The following GAREM1 variants were observed in gnomAD, a reference collection of about 807,000 sequenced individuals.
GAREM1 encodes GRB2 associated regulator of MAPK1 subtype 1, also known as GRB2-associated and regulator of MAPK protein 1.
A neutral mutation model predicts 71.3 loss-of-function variants in GAREM1; 26 were observed. The observed-to-expected ratio is 0.36, with a 90% confidence interval of 0.27 to 0.51. The LOEUF is 0.51. Ranked by LOEUF, GAREM1 falls within the 20% of genes least tolerant of loss-of-function variation. The pLI is 0.95. For synonymous variants in GAREM1, 440 were observed against 433.2 expected (o/e 1.02, Z -0.20); for missense variants, 1,026 against 1,103.1 (o/e 0.93, Z 0.99).
intron 2 of GAREM1, among the ~76,000 whole-genome samples, chr18:32,317,968 C>T (rs1445035545): frequency 1.3e-5 from 2 of 152,104 alleles, no homozygotes; most frequent in Non-Finnish European, 2.9e-5. Context: ...TTTGTGCCAC[C>T]AAATAAAAAC....
chr18:32,434,240 C>T (rs1423068035), intron 1 of GAREM1, among the ~76,000 whole-genome samples: 1 of 152,162 alleles, frequency 6.6e-6, no homozygotes, highest in Non-Finnish European at 1.5e-5. Flanking sequence ...CAGAGTTATA[C>T]ACTATGAACT....
intron 1 of GAREM1, among the ~76,000 whole-genome samples, chr18:32,463,123 G>A (rs1199032031): frequency 1.3e-5 from 2 of 151,968 alleles, no homozygotes; most frequent in African/African-American, 2.4e-5. Context: ...TGATGGATAT[G>A]CTAATTAGCC....
intron 2 of GAREM1, among the ~76,000 whole-genome samples, chr18:32,340,468 G>A (rs566750074): frequency 2.6e-4 from 39 of 152,084 alleles, no homozygotes; most frequent in Admixed American, 2.2e-3. Context: ...GGCATGACTC[G>A]GGTCCAGAAA....
At chr18:32,312,272 C>T (rs1214385263) in intron 2 of GAREM1, among the ~76,000 whole-genome samples, 1 of 152,080 alleles carries the variant, frequency 6.6e-6, no homozygotes, top group East Asian at 1.9e-4. Flanking sequence ...TGAGTGTGAA[C>T]AGAGAAGAGG....
intron 2 of GAREM1, among the ~76,000 whole-genome samples, chr18:32,357,026 C>T (rs1598985811): frequency 1.3e-5 from 2 of 152,310 alleles, no homozygotes; most frequent in Middle Eastern, 6.8e-3. Flanking sequence ...TACTCTGCCC[C>T]TTCCTTTCTG....
intron 2 of GAREM1, among the ~76,000 whole-genome samples, chr18:32,361,614 C>A (rs2047867026): frequency 6.6e-6 from 1 of 152,098 alleles, no homozygotes; most frequent in Non-Finnish European, 1.5e-5. Context: ...CCTCCCTCTG[C>A]AAAACTAACA....
In GAREM1 at chr18:32,288,253, C is replaced by T. The variant is rs776767680; in HGVS notation, c.394-50G>A. ...ACGTTCATTTCCTTTGATCTATTCACGCAAAGAACTTCCTATTAAGACACA... is the reference window on the plus strand; with the variant it reads ...ACGTTCATTTCCTTTGATCTATTCATGCAAAGAACTTCCTATTAAGACACA... On this transcript the variant is annotated intron_variant, in intron 3 of 5. Coordinates refer to ENST00000269209, the MANE Select transcript of GAREM1 (RefSeq NM_001242409.2). The T allele has an allele frequency of 6.3e-5, 90 of 1,433,742 alleles. No individual in the cohort carries two copies. In the Admixed American group the frequency reaches 6.7e-4, roughly 11 times the overall value. The allele number at this position is 1,433,742 out of a possible 1,614,324, so 88.8% of individuals were successfully genotyped here.
chr18:32,284,819 G>C (rs916300586), intron 4 of GAREM1, among the ~76,000 whole-genome samples: 1 of 148,774 alleles, frequency 6.7e-6, no homozygotes, highest in Non-Finnish European at 1.5e-5. Flanking sequence ...GCGGGATCTC[G>C]GCTCACTGCA....
At chr18:32,413,018 G>A in intron 1 of GAREM1, 1 of 1,599,750 alleles carries the variant, frequency 6.3e-7, no homozygotes, top group East Asian at 2.2e-5. Flanking sequence ...AGCCCCTGGA[G>A]CGCTTGGTGT....
chr18:32,287,437 G>A lies in GAREM1; in HGVS notation c.1160C>T (p.Ser387Leu). ...GAGATTGTTGCCATACACACAGACC[G>A]AGAGTCGGTGGAAGGACTGGGTGAG... ...DELTQSFHRL[S>L]VCVYGNNLHG... The change falls in exon 4 of 6, where the codon TCG becomes TTG. Residue 387 changes from serine to leucine, a missense_variant. This residue lies in a region of GAREM1 where 636 missense variants were observed against 631.2 expected (regional missense o/e 1.01). Transcript: ENST00000269209. This position sits in a 1 kb window ranked among gnomAD's most constrained non-coding sequence, Gnocchi z 5.9. 1 of 1,614,192 alleles carries A rather than the reference G, an allele frequency of 6.2e-7. No homozygotes were observed. Among genetic ancestry groups the A allele is most frequent in the Non-Finnish European group, 8.5e-7 (1 of 1,180,036 alleles).
chr18:32,390,023 C>T (rs13381088), intron 2 of GAREM1, among the ~76,000 whole-genome samples: 20,303 of 151,822 alleles, frequency 0.13, 1,575 homozygotes, highest in African/African-American at 0.21. Context: ...ACAAGTTGGC[C>T]GGGCGTAGTG....
chr18:32,402,718 T>C (rs2048326771), intron 1 of GAREM1, among the ~76,000 whole-genome samples: 1 of 152,142 alleles, frequency 6.6e-6, no homozygotes, highest in African/African-American at 2.4e-5. Flanking sequence ...TGCTAACTTT[T>C]ATTCGGAGTC....
At chr18:32,319,481 T>G (rs538839298) in intron 2 of GAREM1, among the ~76,000 whole-genome samples, 5 of 152,370 alleles carry the variant, frequency 3.3e-5, no homozygotes, top group African/African-American at 1.2e-4. Context: ...ATTGCCTTTT[T>G]AACCTTTGTA....
chr18:32,415,361 G>T (rs2048457243), intron 1 of GAREM1, among the ~76,000 whole-genome samples: 1 of 151,848 alleles, frequency 6.6e-6, no homozygotes, highest in Admixed American at 6.6e-5. Flanking sequence ...ATTCTACAAG[G>T]TCAGTGTTAC....
chr18:32,306,883 T>G (rs1598947818), intron 3 of GAREM1, among the ~76,000 whole-genome samples: 1 of 152,244 alleles, frequency 6.6e-6, no homozygotes, highest in East Asian at 1.9e-4. Flanking sequence ...GGTTAAAGAA[T>G]TAAACACTTA....
At chr18:32,383,273 T>G (rs2048114637) in intron 2 of GAREM1, among the ~76,000 whole-genome samples, 1 of 152,216 alleles carries the variant, frequency 6.6e-6, no homozygotes, top group African/African-American at 2.4e-5. Flanking sequence ...GTACACATAG[T>G]TTTGTTGTTT....
chr18:32,439,133 T>C (rs1018148260), intron 1 of GAREM1, among the ~76,000 whole-genome samples: 3 of 152,176 alleles, frequency 2.0e-5, no homozygotes, highest in Admixed American at 6.5e-5. Context: ...AACAGCATAA[T>C]TGCAGAGGAT....
intron 2 of GAREM1, among the ~76,000 whole-genome samples, chr18:32,326,161 G>A (rs1288579918): frequency 6.6e-6 from 1 of 152,172 alleles, no homozygotes; most frequent in African/African-American, 2.4e-5. Context: ...AAGAAGAGAG[G>A]AAAGAGCTAT....
At chr18:32,286,895 T>C in intron 4 of GAREM1, 136 bp downstream of exon 4, 1 of 653,850 alleles carries the variant, frequency 1.5e-6, no homozygotes, top group Non-Finnish European at 2.7e-6. Flanking sequence ...AGCTAGCATG[T>C]GTATCTCACT....
Sources: allele counts gnomAD v4.1 joint callset (sites outside exome capture counted in the v4.1 genomes callset), GRCh38; gene constraint gnomAD v4.1.1; regional missense constraint gnomAD v4.1.1; non-coding constraint Gnocchi (gnomAD v3.1); transcripts MANE v1.5; gene names NCBI Gene and HGNC (gene_info 2026-07-23, HGNC 2026-07-21).